The following EPHA6 variants were observed in gnomAD, a reference collection of about 807,000 sequenced individuals.
EPHA6 encodes the protein ephrin type-A receptor 6.
Under a neutral mutation model 112.0 loss-of-function variants are expected in EPHA6, and 50 were observed. The ratio of observed to expected loss-of-function variants is 0.45; its 90% CI spans 0.36 to 0.56. EPHA6 has a LOEUF of 0.56. Among genes scored for constraint, EPHA6 ranks in the 20% least tolerant of loss-of-function variants. The probability of loss-of-function intolerance (pLI) is 0.00; values close to 1 mark genes in which losing one functional copy is unlikely to be tolerated. For synonymous variants in EPHA6, 529 were observed against 490.7 expected (o/e 1.08, Z -1.03); for missense variants, 1,280 against 1,417.4 (o/e 0.90, Z 1.56).
In EPHA6 at chr3:97,432,496, T is replaced by A. The variant is rs115155454; in HGVS notation, c.1732-16072T>A. 5.1e-3 allele frequency among the ~76,000 whole-genome samples: 783 copies of A among 152,248 alleles called. 7 individuals carry two copies. The highest frequency in any genetic ancestry group is 0.018 in the African/African-American group (752 of 41,554). Reference sequence around the variant, plus strand: ...AACAAAGCATGCTGTGTCTCAGTAATAAGATGAAAGGCTTATGTTCACCTG... The same window carrying A: ...AACAAAGCATGCTGTGTCTCAGTAAAAAGATGAAAGGCTTATGTTCACCTG... On this transcript the variant is annotated intron_variant, in intron 6 of 17. Coordinates refer to ENST00000389672, the MANE Select transcript of EPHA6 (RefSeq NM_001080448.3).
intron 10 of EPHA6, among the ~76,000 whole-genome samples, chr3:97,517,609 T>A (rs944987451): frequency 2.0e-5 from 3 of 152,114 alleles, no homozygotes; most frequent in African/African-American, 7.2e-5. Context: ...ACATTTAAAA[T>A]CTACTCTCTC....
At chr3:97,571,649 T>A (rs2093333733) in intron 11 of EPHA6, among the ~76,000 whole-genome samples, 1 of 144,374 alleles carries the variant, frequency 6.9e-6, no homozygotes, top group African/African-American at 2.8e-5. Context: ...CAAAAGAAAA[T>A]CTTCCTTGAA....
intron 3 of EPHA6, among the ~76,000 whole-genome samples, chr3:97,190,847 C>T (rs984174863): frequency 6.6e-6 from 1 of 151,710 alleles, no homozygotes; most frequent in Non-Finnish European, 1.5e-5. Context: ...TGCACATGTA[C>T]CCTAAAACTT....
At chr3:97,595,671 G>A (rs2093582576) in intron 12 of EPHA6, among the ~76,000 whole-genome samples, 1 of 137,180 alleles carries the variant, frequency 7.3e-6, no homozygotes, top group African/African-American at 3.2e-5. Flanking sequence ...GGAAATCACA[G>A]GAGAGAAGAG....
intron 11 of EPHA6, among the ~76,000 whole-genome samples, chr3:97,558,224 A>T (rs558895706): frequency 4.2e-4 from 64 of 152,124 alleles, no homozygotes; most frequent in East Asian, 3.9e-3. Flanking sequence ...ATCCTTTTCC[A>T]GCTGAAGGCA....
At chr3:97,329,449 C>G (rs2082664396) in intron 5 of EPHA6, among the ~76,000 whole-genome samples, 1 of 148,922 alleles carries the variant, frequency 6.7e-6, no homozygotes, top group Admixed American at 6.7e-5. Context: ...TAAAAGTGTT[C>G]CTATTTCTCC....
At chr3:97,744,050 T>G (rs980228212) in intron 16 of EPHA6, among the ~76,000 whole-genome samples, 1 of 151,940 alleles carries the variant, frequency 6.6e-6, no homozygotes, top group African/African-American at 2.4e-5. Flanking sequence ...GTATTGAAAT[T>G]TTATATTTAT....
chr3:97,502,870 G>A (rs552066151), intron 10 of EPHA6, among the ~76,000 whole-genome samples: 1 of 124,924 alleles, frequency 8.0e-6, no homozygotes. Flanking sequence ...AGTCAACATA[G>A]TGGATTATTA....
intron 5 of EPHA6, among the ~76,000 whole-genome samples, chr3:97,357,520 C>T (rs1013688303): frequency 1.3e-5 from 2 of 152,064 alleles, no homozygotes; most frequent in African/African-American, 4.8e-5. Flanking sequence ...TATAGTTGGT[C>T]ATATGTTTTT....
chr3:97,371,124 T>G (rs1038172397), intron 5 of EPHA6, among the ~76,000 whole-genome samples: 1 of 152,050 alleles, frequency 6.6e-6, no homozygotes, highest in African/African-American at 2.4e-5. Context: ...TTCCTAAAGC[T>G]TTTTCGTTAC....
At chr3:96,823,146 T>G (rs1270247794) in intron 1 of EPHA6, among the ~76,000 whole-genome samples, 2 of 151,726 alleles carry the variant, frequency 1.3e-5, no homozygotes, top group African/African-American at 4.8e-5. Flanking sequence ...TATGTTGATA[T>G]AAAATGACAC....
At position 96,829,949 on chromosome 3, in the gene EPHA6, G is replaced by GCGCACACA. The variant is rs373416797; in HGVS notation, c.385+14942_385+14943insGCACACAC. On this transcript the variant is annotated intron_variant, in intron 1 of 17. Transcript: ENST00000389672. ...CATGCACGTGCATGTGCGCGCGCGC[G>GCGCACACA]CACACACACACACACACACACACAC... Among the ~76,000 whole-genome samples the GCGCACACA allele has an allele frequency of 6.5e-3, 882 of 136,052 alleles. 16 individuals carry two copies. Among genetic ancestry groups the GCGCACACA allele is most frequent in the South Asian group, 0.011 (49 of 4,290 alleles). 89.3% of individuals were successfully genotyped at this position (136,052 alleles called of 152,430 possible).
At chr3:97,502,843 A>AC (rs2092157497) in intron 10 of EPHA6, among the ~76,000 whole-genome samples, 2 of 141,110 alleles carry the variant, frequency 1.4e-5, no homozygotes, top group Non-Finnish European at 3.0e-5. Context: ...AAAAAAAAAA[A>AC]AAAAAAAAAA....
intron 14 of EPHA6, among the ~76,000 whole-genome samples, chr3:97,649,087 GT>G (rs2094088788): frequency 6.6e-6 from 1 of 152,084 alleles, no homozygotes; most frequent in Non-Finnish European, 1.5e-5. Context: ...GTGTTAGTCT[GT>G]TTTCTCGCTG....
chr3:96,820,902 A>G (rs2033206145), intron 1 of EPHA6, among the ~76,000 whole-genome samples: 1 of 151,972 alleles, frequency 6.6e-6, no homozygotes, highest in African/African-American at 2.4e-5. Flanking sequence ...AAGGAGCAAT[A>G]TTTGAGGATT....
chr3:97,028,779 T>G (rs984835717), intron 3 of EPHA6, among the ~76,000 whole-genome samples: 13 of 152,124 alleles, frequency 8.5e-5, no homozygotes, highest in African/African-American at 2.9e-4. Flanking sequence ...TTAATACAAC[T>G]TATTAATAAA....
chr3:97,499,024 C>A (rs1430798324), intron 10 of EPHA6, among the ~76,000 whole-genome samples: 1 of 152,128 alleles, frequency 6.6e-6, no homozygotes, highest in Non-Finnish European at 1.5e-5. Context: ...TAATTTATTT[C>A]TGTCTTTTTA....
intron 5 of EPHA6, among the ~76,000 whole-genome samples, chr3:97,302,311 T>C (rs2081126381): frequency 6.6e-6 from 1 of 151,900 alleles, no homozygotes; most frequent in Non-Finnish European, 1.5e-5. Flanking sequence ...ACAAAGTAGT[T>C]TGAAAGTAGG....
chr3:97,672,040 A>T (rs531286928), intron 14 of EPHA6, among the ~76,000 whole-genome samples: 77 of 152,324 alleles, frequency 5.1e-4, no homozygotes, highest in African/African-American at 1.9e-3. Flanking sequence ...TCCTGAAAGG[A>T]TGAGTACTTT....
Sources: allele counts gnomAD v4.1 joint callset (sites outside exome capture counted in the v4.1 genomes callset), GRCh38; gene constraint gnomAD v4.1.1; transcripts MANE v1.5; gene names NCBI Gene and HGNC (gene_info 2026-07-23, HGNC 2026-07-21).